The following NTN1 variants were observed in gnomAD, a reference collection of about 807,000 sequenced individuals.
NTN1 encodes netrin-1.
Under a neutral mutation model 54.2 loss-of-function variants are expected in NTN1, and 11 were observed. That is an observed-to-expected ratio of 0.20 (90% CI 0.13 to 0.34). The LOEUF (loss-of-function observed/expected upper bound fraction) is 0.34. NTN1 is among the 10% of genes least tolerant of loss of function. The pLI, the probability that NTN1 is intolerant of heterozygous loss-of-function variation, is 1.00. For missense variants in NTN1, 740 were observed against 893.1 expected, an observed-to-expected ratio of 0.83 and a Z score of 2.18; for synonymous variants, 371 against 382.0, an observed-to-expected ratio of 0.97 and a Z score of 0.33.
chr17:9,198,566 T>C (rs560066839), intron 5 of NTN1, among the ~76,000 whole-genome samples: 406 of 152,298 alleles, frequency 2.7e-3, no homozygotes, highest in Non-Finnish European at 4.5e-3. Context: ...TGTGGGTTTC[T>C]GTTTTGTCCA....
intron 2 of NTN1, among the ~76,000 whole-genome samples, chr17:9,092,498 C>T (rs7207548): frequency 0.011 from 1,705 of 151,936 alleles, 35 homozygotes; most frequent in African/African-American, 0.039. Context: ...TGATGTTGGC[C>T]AGGCTGGTCT....
rs979004461 is a variant in NTN1 at position 9,112,864 on chromosome 17, G to A, written c.1019-49949G>A. ...AAAATGCACCCCACCCCCTTCCACA[G>A]TACTAAAGTGCTGTCTAGCATCCCC... On this transcript the variant is annotated intron_variant, in intron 2 of 6. Transcript: ENST00000173229. 2.0e-5 allele frequency among the ~76,000 whole-genome samples: 3 copies of A among 150,452 alleles called. No homozygotes were observed. In the South Asian group the frequency reaches 6.3e-4, roughly 32 times the overall value.
intron 5 of NTN1, among the ~76,000 whole-genome samples, chr17:9,193,920 T>TAAAAAAAAAAAAAAA (rs71361871): frequency 1.8e-4 from 8 of 44,898 alleles, no homozygotes; most frequent in East Asian, 5.8e-4. Flanking sequence ...AAACTCCGAC[T>TAAAAAAAAAAAAAAA]AAAAAAAAAA....
At chr17:9,216,766 G>A (rs1405393828) in intron 5 of NTN1, among the ~76,000 whole-genome samples, 1 of 152,206 alleles carries the variant, frequency 6.6e-6, no homozygotes, top group Non-Finnish European at 1.5e-5. Context: ...GGTGAGACTG[G>A]GTGCGGTGGC....
chr17:9,213,094 G>A (rs1022507330), intron 5 of NTN1, among the ~76,000 whole-genome samples: 8 of 152,182 alleles, frequency 5.3e-5, no homozygotes, highest in African/African-American at 1.4e-4. Context: ...GCTGTGGGTC[G>A]GTCAGGGGAG....
intron 6 of NTN1, among the ~76,000 whole-genome samples, chr17:9,228,154 C>T (rs541261863): frequency 4.6e-5 from 7 of 152,178 alleles, no homozygotes; most frequent in East Asian, 1.9e-4. Context: ...GGGGTGTGGC[C>T]GGGTTGCAGC....
At chr17:9,191,158 T>C (rs1904444552) in intron 5 of NTN1, among the ~76,000 whole-genome samples, 1 of 152,124 alleles carries the variant, frequency 6.6e-6, no homozygotes, top group African/African-American at 2.4e-5. Context: ...AAAGGAAAGA[T>C]TTTGAATAAA....
chr17:9,049,733 T>C (rs1050300884), intron 2 of NTN1, among the ~76,000 whole-genome samples: 1 of 152,174 alleles, frequency 6.6e-6, no homozygotes, highest in African/African-American at 2.4e-5. Context: ...GATTCTGAAT[T>C]GGATCTAGAC....
intron 2 of NTN1, among the ~76,000 whole-genome samples, chr17:9,056,413 G>A (rs2091979700): frequency 6.6e-6 from 1 of 152,202 alleles, no homozygotes. Flanking sequence ...GGCACGGTGA[G>A]GAGTTAGATT....
rs527884880 is a variant in NTN1, at chr17:9,221,074, C to T, written c.1412-94C>T. 1.5e-4 allele frequency: 142 copies of T among 921,382 alleles called. No homozygotes were observed. The South Asian group carries it at 1.8e-3, about 12-fold the overall frequency. The allele number at this position is 921,382 out of a possible 1,614,324, so 57.1% of individuals were successfully genotyped here. On this transcript the variant is annotated intron_variant, in intron 5 of 6. Transcript: ENST00000173229. This position sits in a 1 kb window ranked among gnomAD's most constrained non-coding sequence, Gnocchi z 4.5. The stretch of plus-strand genomic sequence containing the variant: ...GCCCATGGGTATCACAGGCCTCTGG[C>T]TATTTAGGGAGGCGGCCTCCTACTC...
chr17:9,158,642 A>T (rs1410242617), intron 2 of NTN1, among the ~76,000 whole-genome samples: 3 of 152,112 alleles, frequency 2.0e-5, no homozygotes, highest in Non-Finnish European at 4.4e-5. Context: ...CCCCCCATTT[A>T]CTGGCTCTGT....
At chr17:9,156,238 GTT>G (rs11327966) in intron 2 of NTN1, among the ~76,000 whole-genome samples, 30 of 141,904 alleles carry the variant, frequency 2.1e-4, no homozygotes, top group South Asian at 4.5e-4. Context: ...GCGTGAGTTG[GTT>G]TTTTTTTTTT....
At chr17:9,118,811 T>C (rs2092223287) in intron 2 of NTN1, among the ~76,000 whole-genome samples, 1 of 152,246 alleles carries the variant, frequency 6.6e-6, no homozygotes, top group African/African-American at 2.4e-5. Flanking sequence ...AGTCTCAAGG[T>C]TGTAGCATGT....
At chr17:9,095,935 G>A (rs1397265735) in intron 2 of NTN1, among the ~76,000 whole-genome samples, 1 of 152,038 alleles carries the variant, frequency 6.6e-6, no homozygotes, top group Non-Finnish European at 1.5e-5. Context: ...GAGTAGCTGG[G>A]ATTACAGGTG....
At chr17:9,003,740 C>A in the NTN1 span, among the ~76,000 whole-genome samples, 1 of 152,206 alleles carries the variant, frequency 6.6e-6, no homozygotes, top group East Asian at 1.9e-4. This position sits in a 1 kb window ranked among gnomAD's most constrained non-coding sequence, Gnocchi z 7.4. Context: ...ATTAATTTGG[C>A]GTTTCAGAAT....
At chr17:9,227,617 A>ACAGACG (rs1491485418) in intron 6 of NTN1, among the ~76,000 whole-genome samples, 2 of 7,986 alleles carry the variant, frequency 2.5e-4, no homozygotes, top group Admixed American at 3.4e-3. Context: ...CACATCAGAT[A>ACAGACG]CACAGACTAT....
chr17:9,169,208 C>T, intron 3 of NTN1, among the ~76,000 whole-genome samples: 1 of 152,220 alleles, frequency 6.6e-6, no homozygotes, highest in East Asian at 1.9e-4. Context: ...AGGCTGCTGG[C>T]CTCTGAATCC....
At chr17:9,220,011 G>A (rs1400476769) in intron 5 of NTN1, among the ~76,000 whole-genome samples, 1 of 152,224 alleles carries the variant, frequency 6.6e-6, no homozygotes, top group African/African-American at 2.4e-5. Context: ...TGGCCAGCCT[G>A]GCTGGTCTTC....
chr17:9,089,701 G>C (rs547690625), intron 2 of NTN1, among the ~76,000 whole-genome samples: 1 of 152,020 alleles, frequency 6.6e-6, no homozygotes, highest in South Asian at 2.1e-4. Flanking sequence ...GGACTCTCAG[G>C]GCCCTTCTAC....
Sources: allele counts gnomAD v4.1 joint callset (sites outside exome capture counted in the v4.1 genomes callset), GRCh38; gene constraint gnomAD v4.1.1; non-coding constraint Gnocchi (gnomAD v3.1); transcripts MANE v1.5; gene names NCBI Gene and HGNC (gene_info 2026-07-23, HGNC 2026-07-21).